CLPTM1: variants seen among roughly 807,000 people sequenced by gnomAD.
CLPTM1 encodes the protein CLPTM1 regulator of GABA type A receptor forward trafficking.
Under a neutral mutation model 77.3 loss-of-function variants are expected in CLPTM1, and 21 were observed. The observed-to-expected ratio is 0.27, with a 90% CI of 0.19 to 0.39. CLPTM1 has a LOEUF of 0.39. Among genes scored for constraint, CLPTM1 ranks in the 10% least tolerant of loss-of-function variants. CLPTM1 has a pLI of 1.00. For synonymous variants in CLPTM1, 373 were observed against 381.0 expected, an observed-to-expected ratio of 0.98 and a Z score of 0.24; for missense variants, 642 against 921.2, an observed-to-expected ratio of 0.70 and a Z score of 3.92.
At chr19:44,969,978 C>T (rs892271051) in intron 2 of CLPTM1, among the ~76,000 whole-genome samples, 2 of 147,408 alleles carry the variant, frequency 1.4e-5, no homozygotes, top group Admixed American at 6.7e-5. Context: ...CGCCCAGCCT[C>T]GTTTTGGTTT....
intron 5 of CLPTM1, among the ~76,000 whole-genome samples, chr19:44,979,382 T>G (rs1970858115): frequency 6.6e-6 from 1 of 152,122 alleles, no homozygotes; most frequent in African/African-American, 2.4e-5. Flanking sequence ...GAGAATGGCT[T>G]CCTCAGAAAG....
At chr19:44,957,618 G>A (rs1274381290) in intron 1 of CLPTM1, among the ~76,000 whole-genome samples, 1 of 152,238 alleles carries the variant, frequency 6.6e-6, no homozygotes, top group East Asian at 1.9e-4. Flanking sequence ...AGATGTTGCT[G>A]GGGATTGTGT....
At chr19:44,976,382 G>C (rs990012292) in intron 4 of CLPTM1, among the ~76,000 whole-genome samples, 1 of 152,242 alleles carries the variant, frequency 6.6e-6, no homozygotes, top group Non-Finnish European at 1.5e-5. Context: ...CTACTCAGGA[G>C]GCTGAGGTGG....
chr19:44,971,969 C>T (rs1001047978), intron 2 of CLPTM1, among the ~76,000 whole-genome samples: 21 of 138,766 alleles, frequency 1.5e-4, no homozygotes, highest in African/African-American at 5.6e-4. Context: ...CTCCCGGGTT[C>T]AAGTGATTCT....
intron 1 of CLPTM1, among the ~76,000 whole-genome samples, chr19:44,956,546 C>T (rs1375879983): frequency 6.6e-6 from 1 of 152,202 alleles, no homozygotes; most frequent in Non-Finnish European, 1.5e-5. Flanking sequence ...TGTATCTGCT[C>T]TGAATCTTTT....
rs546207838 is a variant in CLPTM1 at position 44,970,329 on chromosome 19, C to T, written c.186-2758C>T. ...CCTTCTCAGGGGTGGAGGCTTGCAC[C>T]TTGTGGGGTCTTAGTTTCCTATAGG... On this transcript the variant is annotated intron_variant, in intron 2 of 13. Transcript: ENST00000337392. Among the ~76,000 whole-genome samples, 7 of 146,540 alleles carry T rather than the reference C, an allele frequency of 4.8e-5. 1 individual carries two copies. In the East Asian group the frequency reaches 1.4e-3, roughly 28 times the overall value.
intron 2 of CLPTM1, among the ~76,000 whole-genome samples, chr19:44,966,354 T>C (rs1316934350): frequency 6.6e-6 from 1 of 152,186 alleles, no homozygotes; most frequent in Admixed American, 6.5e-5. Context: ...GAGCTTGCAG[T>C]GTGCCAAGAT....
intron 1 of CLPTM1, among the ~76,000 whole-genome samples, chr19:44,956,926 C>G (rs759250249): frequency 6.6e-6 from 1 of 152,198 alleles, no homozygotes; most frequent in Non-Finnish European, 1.5e-5. Context: ...TCGGCACTAT[C>G]AACATTTTGA....
At chr19:44,983,835 G>A (rs1455445355) in intron 5 of CLPTM1, among the ~76,000 whole-genome samples, 4 of 152,050 alleles carry the variant, frequency 2.6e-5, no homozygotes, top group East Asian at 1.9e-4. Flanking sequence ...GGTGGCACAC[G>A]CCTGTAATCC....
At chr19:44,981,123 G>T (rs920456370) in intron 5 of CLPTM1, among the ~76,000 whole-genome samples, 1 of 151,448 alleles carries the variant, frequency 6.6e-6, no homozygotes, top group Non-Finnish European at 1.5e-5. Flanking sequence ...TTACAGGCAT[G>T]AGCCAGCGCG....
Position 44,991,007 on chromosome 19 carries a change from A to C in CLPTM1, c.1419+62A>C. ...TCCAGGTACCACGTATCCCTGAGGC[A>C]CCCGGGGCCGGCCATCTGTCTGCCG... is the stretch of plus-strand genomic sequence containing the variant. On this transcript the variant is annotated intron_variant, in intron 11 of 13. Coordinates refer to ENST00000337392, the MANE Select transcript of CLPTM1 (RefSeq NM_001294.4). This position sits in a 1 kb window ranked among gnomAD's most constrained non-coding sequence, Gnocchi z 5.4. The C allele has an allele frequency of 1.4e-6, 2 of 1,406,726 alleles. No individual in the cohort carries two copies. The highest frequency in any genetic ancestry group is 1.0e-6 in the Non-Finnish European group (1 of 1,000,206). The allele number at this position is 1,406,726 out of a possible 1,614,324, so 87.1% of individuals were successfully genotyped here. A position where few individuals can be genotyped will look rare whatever the true frequency, so the allele number is the denominator to read the frequency against.
At chr19:44,963,593 G>A (rs564660290) in intron 2 of CLPTM1, among the ~76,000 whole-genome samples, 12 of 151,784 alleles carry the variant, frequency 7.9e-5, no homozygotes, top group Admixed American at 5.3e-4. Flanking sequence ...CCAAAGTGCT[G>A]CGATTACAGG....
chr19:44,978,703 C>G (rs1970844540), intron 5 of CLPTM1, among the ~76,000 whole-genome samples: 1 of 152,176 alleles, frequency 6.6e-6, no homozygotes, highest in Non-Finnish European at 1.5e-5. Flanking sequence ...ATCCATTAAA[C>G]CACTAATCCA....
intron 2 of CLPTM1, among the ~76,000 whole-genome samples, chr19:44,972,515 C>T (rs1970737002): frequency 6.6e-6 from 1 of 152,176 alleles, no homozygotes. Flanking sequence ...TCCCAAAGTG[C>T]TGGGATTACA....
chr19:44,986,790 C>T (rs757734271), intron 7 of CLPTM1: 11 of 583,434 alleles, frequency 1.9e-5, no homozygotes, highest in Admixed American at 1.7e-4. Flanking sequence ...ACGCCAGCAT[C>T]GGTCCGCAAT....
In CLPTM1 at chr19:44,962,088, G is replaced by A. The variant is rs773995086; in HGVS notation, c.185+13G>A. 6.6e-7 allele frequency: 1 copy of A among 1,517,236 alleles called. No homozygotes were observed. The highest frequency in any genetic ancestry group is 8.9e-7 in the Non-Finnish European group (1 of 1,121,546). The allele number at this position is 1,517,236 out of a possible 1,614,324, so 94.0% of individuals were successfully genotyped here. A position where few individuals can be genotyped will look rare whatever the true frequency, so the allele number is the denominator to read the frequency against. On this transcript the variant is annotated intron_variant, in intron 2 of 13. Transcript: ENST00000337392. ...GTGTGCTGTTTAGGTGAGCAGACGG[G>A]ACTTGGGTTTGTTCACCGAAAACAT...
At position 44,956,414 on chromosome 19, in the gene CLPTM1, G is replaced by T. The variant is rs4803781; in HGVS notation, c.72+947G>T. On this transcript the variant is annotated intron_variant, in intron 1 of 13. Transcript: ENST00000337392. ...AGAGGAGACTGACATGTAAACAGTT[G>T]TAATCCTGAATGATTAGGTTGGTGA... Among the ~76,000 whole-genome samples, 105 of 152,116 alleles carry T rather than the reference G, an allele frequency of 6.9e-4. 1 individual carries two copies. The East Asian group carries it at 7.5e-3, about 11-fold the overall frequency.
chr19:44,992,654 C>T lies in CLPTM1; in HGVS notation c.1767C>T (p.Arg589=), dbSNP rs201022432. 2.5e-4 allele frequency: 401 copies of T among 1,613,962 alleles called. 3 individuals carry two copies. The South Asian group carries it at 4.0e-3, about 16-fold the overall frequency. Residue 589 remains arginine (R), a synonymous_variant, in exon 14 of 14, where the codon CGC becomes CGT. Transcript: ENST00000337392. The surrounding 1 kb of genome is among the most constrained non-coding windows in gnomAD (Gnocchi z 7.7). ...ACCTCTACCAACGGTGGATCTACCG[C>T]GTCGACCCCACCCGAGTCAACGAGT... ...FIYLYQRWIY[R]VDPTRVNEFG... is the part of the protein sequence containing the mutation.
rs1971113384 is a variant in CLPTM1 at position 44,993,190 on chromosome 19, T to TG, written c.*296dup. The TG allele has an allele frequency of 1.1e-4, 9 of 83,178 alleles. No homozygotes were observed. The highest frequency in any genetic ancestry group is 1.7e-4 in the South Asian group (3 of 17,960). 5.2% of individuals were successfully genotyped at this position (83,178 alleles called of 1,614,324 possible). A position where few individuals can be genotyped will look rare whatever the true frequency, so the allele number is the denominator to read the frequency against. On this transcript the variant is annotated 3_prime_UTR_variant, in exon 14 of 14. Coordinates refer to ENST00000337392, the MANE Select transcript of CLPTM1 (RefSeq NM_001294.4). ...ATGCAGCGTTGCCGAGGGGGTGGGT[T>TG]GGGCGGGGGTGGGGCCGGGCCCCCC...
Sources: gnomAD v4.1 joint callset for allele counts (sites outside exome capture counted in the v4.1 genomes callset) on GRCh38, gnomAD v4.1.1 for gene constraint, Gnocchi (gnomAD v3.1) non-coding constraint, MANE v1.5 for transcripts, NCBI Gene and HGNC (gene_info 2026-07-23, HGNC 2026-07-21) for gene names.